MYT1: variants seen among roughly 807,000 people sequenced by gnomAD.
MYT1 encodes myelin transcription factor 1.
MYT1 carries 23 observed loss-of-function variants against 123.0 expected under a neutral mutation model. That is an observed-to-expected ratio of 0.19 (90% CI 0.13 to 0.26). MYT1 has a LOEUF of 0.26. MYT1 is among the 10% of genes least tolerant of loss of function. The pLI is 1.00. For synonymous variants in MYT1, 518 were observed against 575.3 expected (o/e 0.90, Z 1.43); for missense variants, 1,125 against 1,472.5 (o/e 0.76, Z 3.86).
rs1404986039 is a variant in MYT1, at chr20:64,212,154, TGGGCCGTAGTGGGGGCCAGGGTGG to T, written c.1517+24_1517+47del. ...CGCACAGAAGGTACTTGGACTGAGC[TGGGCCGTAGTGGGGGCCAGGGTGG>T]GGGCCGTGGTGGGGGCCAGGGTGGG... is the stretch of plus-strand genomic sequence containing the variant. On this transcript the variant is annotated intron_variant, in intron 9 of 22. Coordinates refer to ENST00000328439, the MANE Select transcript of MYT1 (RefSeq NM_004535.3). This position sits in a 1 kb window ranked among gnomAD's most constrained non-coding sequence, Gnocchi z 6.8. 6.4e-4 allele frequency: 963 copies of T among 1,512,164 alleles called. 36 individuals carry two copies. The highest frequency in any genetic ancestry group is 6.1e-3 in the African/African-American group (411 of 67,212). 93.7% of individuals were successfully genotyped at this position (1,512,164 alleles called of 1,614,324 possible).
chr20:64,225,957 C>T (rs1275115579), intron 16 of MYT1, among the ~76,000 whole-genome samples: 1 of 152,196 alleles, frequency 6.6e-6, no homozygotes, highest in Admixed American at 6.5e-5. Context: ...CTGTTGATGC[C>T]ACTCACAGTC....
intron 10 of MYT1, among the ~76,000 whole-genome samples, chr20:64,216,428 T>G (rs1049151873): frequency 3.3e-5 from 5 of 152,258 alleles, no homozygotes; most frequent in African/African-American, 1.2e-4. Context: ...GTGAACTGAA[T>G]GCTTGCAGTA....
Position 64,190,701 on chromosome 20 carries a change from G to T in MYT1, c.-1+541G>T, listed in dbSNP as rs1187035911. Among the ~76,000 whole-genome samples the T allele has an allele frequency of 6.9e-6, 1 of 145,772 alleles. No individual in the cohort carries two copies. Among genetic ancestry groups the T allele is most frequent in the Non-Finnish European group, 1.5e-5 (1 of 67,386 alleles). On this transcript the variant is annotated intron_variant, in intron 2 of 22. Transcript: ENST00000328439. The surrounding 1 kb of genome is among the most constrained non-coding windows in gnomAD (Gnocchi z 4.1). ...AGAAGTAAAGGGACTAGGAATGGTG[G>T]CTTTTATCTCTAATCCCAGCACTTT...
In MYT1 at chr20:64,165,348, C is replaced by T. The variant is rs1433720739; in HGVS notation, c.-99+609C>T. On this transcript the variant is annotated intron_variant, in intron 1 of 22. Coordinates refer to ENST00000328439, the MANE Select transcript of MYT1 (RefSeq NM_004535.3). ...AAATATCGGCCGCTCCTCTCAGCCC[C>T]TTTTTTCGCTACGTGTCCGTGCAGC... 2.0e-5 allele frequency among the ~76,000 whole-genome samples: 3 copies of T among 152,116 alleles called. No individual in the cohort carries two copies. The South Asian group carries it at 6.2e-4, about 32-fold the overall frequency.
intron 1 of MYT1, among the ~76,000 whole-genome samples, chr20:64,177,899 C>T (rs1375687412): frequency 6.6e-6 from 1 of 152,176 alleles, no homozygotes; most frequent in Non-Finnish European, 1.5e-5. Flanking sequence ...TTCCAGGATG[C>T]CCCCAGGAAC....
rs568444578 is a variant in MYT1, at chr20:64,189,818, C to T, written c.-98-245C>T. Reference sequence around the variant, plus strand: ...TGGGAACCAACACCTAGAGCTGGGACAACAGTGCAGGGGACTGCAGGAAGA... The same window carrying T: ...TGGGAACCAACACCTAGAGCTGGGATAACAGTGCAGGGGACTGCAGGAAGA... On this transcript the variant is annotated intron_variant, in intron 1 of 22. Coordinates refer to ENST00000328439, the MANE Select transcript of MYT1 (RefSeq NM_004535.3). This position sits in a 1 kb window ranked among gnomAD's most constrained non-coding sequence, Gnocchi z 5.5. 6.6e-6 allele frequency among the ~76,000 whole-genome samples: 1 copy of T among 152,244 alleles called. No individual in the cohort carries two copies. Among genetic ancestry groups the T allele is most frequent in the African/African-American group, 2.4e-5 (1 of 41,542 alleles).
chr20:64,239,896 C>T lies in MYT1; in HGVS notation c.3230C>T (p.Pro1077Leu), dbSNP rs1394085006. 3.7e-6 allele frequency: 6 copies of T among 1,612,736 alleles called. No individual in the cohort carries two copies. Among genetic ancestry groups the T allele is most frequent in the South Asian group, 1.1e-5 (1 of 91,094 alleles). ...CAAAGTCTCGCCAATATCCGCCTTC[C>T]GCACATGGTAGGCAGCACGCGGGCC... ...LIQSLANIRL[P>L]HMEPICEQNF... is the part of the protein sequence containing the mutation. The change falls in exon 22 of 23, where the codon CCG (proline) becomes CTG (leucine). Residue 1077 changes from proline to leucine, a missense_variant. By Grantham distance (98) the Pro-to-Leu change is moderately conservative. Around this residue, in one of 4 missense-constraint regions of MYT1, gnomAD observed 243 missense variants for 323.1 expected, o/e 0.75. Transcript: ENST00000328439.
At chr20:64,178,936 A>T (rs61048510) in intron 1 of MYT1, among the ~76,000 whole-genome samples, 6 of 96,964 alleles carry the variant, frequency 6.2e-5, no homozygotes, top group South Asian at 7.7e-4. Flanking sequence ...GCCGTTATTC[A>T]GTGGGATACC....
At chr20:64,188,950 C>T (rs994693969) in intron 1 of MYT1, among the ~76,000 whole-genome samples, 1 of 152,198 alleles carries the variant, frequency 6.6e-6, no homozygotes, top group Non-Finnish European at 1.5e-5. Context: ...CTCTGTAGAC[C>T]TCGTATTAGG....
In MYT1 at chr20:64,203,361, A is replaced by T. The variant is rs1037247426; in HGVS notation, c.87-1674A>T. The stretch of plus-strand genomic sequence containing the variant: ...CTTTTTTGTGAAAAGTCCCAAAGCT[A>T]GTTCTCCAAAGAGTGAAAGCAAGTG... On this transcript the variant is annotated intron_variant, in intron 4 of 22. Transcript: ENST00000328439. The surrounding 1 kb of genome is among the most constrained non-coding windows in gnomAD (Gnocchi z 5.1). 3.9e-5 allele frequency among the ~76,000 whole-genome samples: 6 copies of T among 152,236 alleles called. No homozygotes were observed. The highest frequency in any genetic ancestry group is 1.4e-4 in the African/African-American group (6 of 41,472).
chr20:64,230,958 C>T (rs1280324673), intron 18 of MYT1, among the ~76,000 whole-genome samples: 20 of 152,194 alleles, frequency 1.3e-4, no homozygotes, highest in Admixed American at 1.3e-3. Flanking sequence ...CGCTGCCCTC[C>T]CTGTCCAGGC....
chr20:64,229,442 T>C (rs1370701057), intron 18 of MYT1, among the ~76,000 whole-genome samples: 1 of 152,150 alleles, frequency 6.6e-6, no homozygotes, highest in Non-Finnish European at 1.5e-5. Context: ...TCAACTGAGC[T>C]TTAAAAAAAA....
At chr20:64,199,490 C>G (rs1454390730) in intron 3 of MYT1, among the ~76,000 whole-genome samples, 1 of 152,226 alleles carries the variant, frequency 6.6e-6, no homozygotes, top group East Asian at 1.9e-4. Context: ...TCCAGTTGTT[C>G]TCTTCTCTGT....
At chr20:64,221,776 T>C in intron 13 of MYT1, 117 bp from the exon 14 acceptor site, 2 of 1,052,218 alleles carry the variant, frequency 1.9e-6, no homozygotes, top group Non-Finnish European at 2.7e-6. Context: ...GATAGGAGAC[T>C]CCGGGAGATG....
chr20:64,203,248 C>T lies in MYT1; in HGVS notation c.87-1787C>T, dbSNP rs1983377775. Among the ~76,000 whole-genome samples, 1 of 152,226 alleles carries T rather than the reference C, an allele frequency of 6.6e-6. No homozygotes were observed. On this transcript the variant is annotated intron_variant, in intron 4 of 22. Coordinates refer to ENST00000328439, the MANE Select transcript of MYT1 (RefSeq NM_004535.3). This position sits in a 1 kb window ranked among gnomAD's most constrained non-coding sequence, Gnocchi z 5.1. Reference sequence around the variant, plus strand: ...GGGCAGTCCGGTCCCCACAGGCCTCCACAGCAGCTGTCACCTAATTGCCTG... The same window carrying T: ...GGGCAGTCCGGTCCCCACAGGCCTCTACAGCAGCTGTCACCTAATTGCCTG...
Position 64,212,663 on chromosome 20 carries a change from G to A in MYT1, c.1517+525G>A, listed in dbSNP as rs1240037080. Among the ~76,000 whole-genome samples the A allele has an allele frequency of 2.6e-5, 4 of 152,152 alleles. No homozygotes were observed. Among genetic ancestry groups the A allele is most frequent in the Admixed American group, 2.0e-4 (3 of 15,272 alleles). ...CTGGCTCTTGCTCCTGAGTGGGAAG[G>A]GCAGACATGAACAGTAACCTCGGCA... is the stretch of plus-strand genomic sequence containing the variant. On this transcript the variant is annotated intron_variant, in intron 9 of 22. Coordinates refer to ENST00000328439, the MANE Select transcript of MYT1 (RefSeq NM_004535.3). The surrounding 1 kb of genome is among the most constrained non-coding windows in gnomAD (Gnocchi z 6.8).
In MYT1 at chr20:64,205,680, G is replaced by T; in HGVS notation, c.277G>T (p.Gly93Cys). 1 of 1,614,234 alleles carries T rather than the reference G, an allele frequency of 6.2e-7. No individual in the cohort carries two copies. Among genetic ancestry groups the T allele is most frequent in the Middle Eastern group, 1.6e-4 (1 of 6,062 alleles). The change falls in exon 6 of 23, where the codon GGC becomes TGC. Residue 93 changes from glycine to cysteine, a missense_variant. By Grantham distance (159) the Gly-to-Cys change is radical. This residue lies in a region of MYT1 where 406 missense variants were observed against 432.2 expected (regional missense o/e 0.94). Coordinates refer to ENST00000328439, the MANE Select transcript of MYT1 (RefSeq NM_004535.3). ...LDEGYGVDSD[G>C]SEDTEVKDAS... Reference sequence around the variant, plus strand: ...CGAGGGCTATGGTGTGGACAGCGACGGCAGTGAGGACACTGAGGTGAAGGA... The same window carrying T: ...CGAGGGCTATGGTGTGGACAGCGACTGCAGTGAGGACACTGAGGTGAAGGA...
At chr20:64,230,226 A>C (rs73916740) in intron 18 of MYT1, among the ~76,000 whole-genome samples, 1 of 152,198 alleles carries the variant, frequency 6.6e-6, no homozygotes, top group African/African-American at 2.4e-5. Flanking sequence ...AATAACTCAG[A>C]TTTGGGCCGG....
chr20:64,213,510 A>G lies in MYT1; in HGVS notation c.1518-24A>G. On this transcript the variant is annotated intron_variant, in intron 9 of 22. Transcript: ENST00000328439. This position sits in a 1 kb window ranked among gnomAD's most constrained non-coding sequence, Gnocchi z 5.6. ...ACAGGCATGGAGGGGAAGGCTCAGA[A>G]ACCCCTCCTCTTCCTTCCTCTAGTT... 1 of 1,582,158 alleles carries G rather than the reference A, an allele frequency of 6.3e-7. No homozygotes were observed.
Sources: allele counts gnomAD v4.1 joint callset (sites outside exome capture counted in the v4.1 genomes callset), GRCh38; gene constraint gnomAD v4.1.1; regional missense constraint gnomAD v4.1.1; non-coding constraint Gnocchi (gnomAD v3.1); transcripts MANE v1.5; gene names NCBI Gene and HGNC (gene_info 2026-07-23, HGNC 2026-07-21).